ASCC3: variants seen among roughly 807,000 people sequenced by gnomAD.
ASCC3 encodes the protein activating signal cointegrator 1 complex subunit 3.
ASCC3 carries 158 observed loss-of-function variants against 256.3 expected under a neutral mutation model. The ratio of observed to expected loss-of-function variants is 0.62; its 90% CI spans 0.54 to 0.70. The LOEUF (loss-of-function observed/expected upper bound fraction) is 0.70. Ranked by LOEUF, ASCC3 falls within the 30% of genes least tolerant of loss-of-function variation. ASCC3 has a pLI of 0.00. For missense variants in ASCC3, 2,259 were observed against 2,626.0 expected, an observed-to-expected ratio of 0.86 and a Z score of 3.05; for synonymous variants, 948 against 883.4, an observed-to-expected ratio of 1.07 and a Z score of -1.30.
At chr6:100,712,300 A>T (rs1362333771) in intron 13 of ASCC3, among the ~76,000 whole-genome samples, 6 of 152,304 alleles carry the variant, frequency 3.9e-5, no homozygotes, top group Non-Finnish European at 8.8e-5. Context: ...AAAAACACTA[A>T]GAGAAATAAG....
chr6:100,806,183 ATAATT>A (rs1166713384), intron 4 of ASCC3, among the ~76,000 whole-genome samples: 3 of 152,062 alleles, frequency 2.0e-5, no homozygotes, highest in Non-Finnish European at 4.4e-5. Flanking sequence ...AAATTCTAAA[ATAATT>A]TAATTTGCTC....
chr6:100,589,601 A>C (rs757863015), intron 36 of ASCC3, 33 bp downstream of exon 36: 60 of 1,611,516 alleles, frequency 3.7e-5, no homozygotes, highest in Admixed American at 1.5e-4. Flanking sequence ...CCCTAAATTA[A>C]AAGAGAAGAT....
intron 3 of ASCC3, among the ~76,000 whole-genome samples, chr6:100,862,109 A>G (rs1010766997): frequency 2.0e-5 from 3 of 152,170 alleles, no homozygotes; most frequent in Non-Finnish European, 2.9e-5. Context: ...GATGTGATGA[A>G]GACCAGGAGG....
intron 13 of ASCC3, among the ~76,000 whole-genome samples, chr6:100,692,390 C>T (rs1465060532): frequency 1.3e-5 from 2 of 151,814 alleles, no homozygotes; most frequent in South Asian, 2.1e-4. Context: ...AAATGCTTCA[C>T]GTCTAAATTG....
At chr6:100,785,662 T>C (rs1769031951) in intron 8 of ASCC3, among the ~76,000 whole-genome samples, 1 of 152,186 alleles carries the variant, frequency 6.6e-6, no homozygotes, top group Admixed American at 6.5e-5. Flanking sequence ...TCCTCCTGCC[T>C]TGGCCTCCCA....
chr6:100,561,231 C>T (rs940318243), intron 36 of ASCC3, among the ~76,000 whole-genome samples: 2 of 151,886 alleles, frequency 1.3e-5, no homozygotes, highest in African/African-American at 4.8e-5. Context: ...TTAATATATC[C>T]ATAATGTGCT....
rs747642496 is a variant in ASCC3 at position 100,746,381 on chromosome 6, G to A, written c.1737+20184C>T. Among the ~76,000 whole-genome samples, 32 of 151,992 alleles carry A rather than the reference G, an allele frequency of 2.1e-4. 1 individual carries two copies. The highest frequency in any genetic ancestry group is 1.0e-3 in the South Asian group (5 of 4,812). On this transcript the variant is annotated intron_variant, in intron 10 of 41. Coordinates refer to ENST00000369162, the MANE Select transcript of ASCC3 (RefSeq NM_006828.4). ...GTTAGTTTTGTCTATTAATTTTTCT[G>A]TTAAAAAGAATATGCATTGAAATGA...
Position 100,620,000 on chromosome 6 carries a change from A to T in ASCC3, c.4785+5192T>A, listed in dbSNP as rs189647270. Reference sequence around the variant, plus strand: ...GAGACCTTGCATTGCTAGAAAAAAAATTTTTTAATTAAATGTAGGTATAGG... The same window carrying T: ...GAGACCTTGCATTGCTAGAAAAAAATTTTTTTAATTAAATGTAGGTATAGG... On this transcript the variant is annotated intron_variant, in intron 30 of 41. Transcript: ENST00000369162. 6.5e-4 allele frequency among the ~76,000 whole-genome samples: 99 copies of T among 152,184 alleles called. 1 individual carries two copies. The highest frequency in any genetic ancestry group is 2.0e-3 in the African/African-American group (84 of 41,544).
chr6:100,545,325 G>A (rs777034133), intron 36 of ASCC3, among the ~76,000 whole-genome samples: 3 of 152,146 alleles, frequency 2.0e-5, no homozygotes, highest in Non-Finnish European at 2.9e-5. Flanking sequence ...CTACAGGCGT[G>A]TGCCAGCACA....
chr6:100,838,842 A>G (rs1772003012), intron 4 of ASCC3, among the ~76,000 whole-genome samples: 1 of 151,274 alleles, frequency 6.6e-6, no homozygotes, highest in African/African-American at 2.5e-5. Context: ...TTATGTGTGT[A>G]TGTATGTATG....
At chr6:100,741,419 T>C (rs1283332159) in intron 10 of ASCC3, among the ~76,000 whole-genome samples, 2 of 152,212 alleles carry the variant, frequency 1.3e-5, no homozygotes, top group Non-Finnish European at 2.9e-5. Flanking sequence ...AGAATTTGAA[T>C]GTTGGCCTGT....
chr6:100,637,941 A>G (rs547190959), intron 25 of ASCC3, among the ~76,000 whole-genome samples: 1 of 152,312 alleles, frequency 6.6e-6, no homozygotes, highest in African/African-American at 2.4e-5. Context: ...TGAAATGACA[A>G]AAAGGATTTA....
At chr6:100,591,489 A>C (rs1165570067) in intron 34 of ASCC3, among the ~76,000 whole-genome samples, 2 of 152,072 alleles carry the variant, frequency 1.3e-5, no homozygotes, top group African/African-American at 4.8e-5. Context: ...TAAGCCTATA[A>C]ATTTTCCAAT....
chr6:100,573,695 A>G (rs1349104399), intron 36 of ASCC3, among the ~76,000 whole-genome samples: 2 of 152,106 alleles, frequency 1.3e-5, no homozygotes, highest in Admixed American at 6.6e-5. Context: ...CGTAGTTATT[A>G]TATCACTAAG....
At chr6:100,804,257 T>C (rs911705901) in intron 5 of ASCC3, among the ~76,000 whole-genome samples, 34 of 152,230 alleles carry the variant, frequency 2.2e-4, no homozygotes, top group African/African-American at 7.2e-4. Flanking sequence ...GTAACGGGTC[T>C]AGGAAGAGCA....
At chr6:100,766,519 T>TA (rs773541482) in intron 10 of ASCC3, 46 bp downstream of exon 10, 142 of 1,575,512 alleles carry the variant, frequency 9.0e-5, no homozygotes, top group Non-Finnish European at 1.2e-4. Flanking sequence ...CACAATTACC[T>TA]AAAAAAAGAA....
At chr6:100,628,019 T>C in intron 27 of ASCC3, 32 bp from the exon 28 acceptor site, 1 of 1,608,488 alleles carries the variant, frequency 6.2e-7, no homozygotes. Flanking sequence ...ATGTTAATCA[T>C]TTAACAAGCC....
chr6:100,595,131 G>A (rs1407854763), intron 34 of ASCC3, among the ~76,000 whole-genome samples: 1 of 152,092 alleles, frequency 6.6e-6, no homozygotes, highest in Non-Finnish European at 1.5e-5. Context: ...TTCTGGTGAT[G>A]CACTGCACAG....
intron 30 of ASCC3, among the ~76,000 whole-genome samples, chr6:100,615,262 C>T (rs536812136): frequency 1.5e-4 from 23 of 152,248 alleles, no homozygotes; most frequent in Admixed American, 1.0e-3. Flanking sequence ...CATGAGCCAC[C>T]GTGCTCAGCC....
Sources: allele counts gnomAD v4.1 joint callset (sites outside exome capture counted in the v4.1 genomes callset), GRCh38; gene constraint gnomAD v4.1.1; transcripts MANE v1.5; gene names NCBI Gene and HGNC (gene_info 2026-07-23, HGNC 2026-07-21).